EP400: variants seen among roughly 807,000 people sequenced by gnomAD.
The protein encoded by EP400 is E1A-binding protein p400.
A neutral mutation model predicts 354.1 loss-of-function variants in EP400; 105 were observed. The observed-to-expected ratio is 0.30, with a 90% CI of 0.25 to 0.35. The LOEUF is 0.35. Among genes scored for constraint, EP400 ranks in the 10% least tolerant of loss-of-function variants. The probability of loss-of-function intolerance (pLI) is 1.00; values close to 1 mark genes in which losing one functional copy is unlikely to be tolerated. For missense variants in EP400, 3,280 were observed against 4,121.0 expected (o/e 0.80, Z 5.59); for synonymous variants, 1,646 against 1,716.9 (o/e 0.96, Z 1.02).
chr12:132,045,400 T>C lies in EP400; in HGVS notation c.6866T>C (p.Leu2289Pro). ...RSLFDRATPG[L>P]LKIRREGKEQ... ...CTGTTTGACCGCGCAACACCAGGAC[T>C]TCTGAAAATTCGCAGAGAGGGCAAG... Residue 2289 changes from leucine (L) to proline (P), a missense_variant, in exon 38 of 53, where the codon CTT (leucine) becomes CCT (proline). Around this residue, in one of 20 missense-constraint regions of EP400, gnomAD observed 231 missense variants for 257.9 expected, o/e 0.90. Transcript: ENST00000389561. 1 of 1,614,256 alleles carries C rather than the reference T, an allele frequency of 6.2e-7. No individual in the cohort carries two copies. The highest frequency in any genetic ancestry group is 8.5e-7 in the Non-Finnish European group (1 of 1,180,050).
chr12:132,017,072 C>A lies in EP400; in HGVS notation c.3924-463C>A, dbSNP rs921864053. Among the ~76,000 whole-genome samples, 5 of 152,364 alleles carry A rather than the reference C, an allele frequency of 3.3e-5. No individual in the cohort carries two copies. Among genetic ancestry groups the A allele is most frequent in the Admixed American group, 3.3e-4 (5 of 15,302 alleles). On this transcript the variant is annotated intron_variant, in intron 19 of 52. Transcript: ENST00000389561. This position sits in a 1 kb window ranked among gnomAD's most constrained non-coding sequence, Gnocchi z 5.0. ...GTGCGTTGTAGGTCCTTCTGTCTGC[C>A]CCCTTCACTGGGTGGTAAGCCGCAC...
At chr12:132,008,678 T>C (rs1270699838) in intron 15 of EP400, among the ~76,000 whole-genome samples, 1 of 151,318 alleles carries the variant, frequency 6.6e-6, no homozygotes, top group Non-Finnish European at 1.5e-5. Flanking sequence ...TCTCCTGGGC[T>C]CAAGAGGATC....
intron 22 of EP400, 74 bp downstream of exon 22, chr12:132,020,292 C>A: frequency 1.4e-6 from 2 of 1,472,352 alleles, no homozygotes; most frequent in South Asian, 2.8e-5. Context: ...ACTTTCTTCT[C>A]GCGCCTCTGG....
chr12:131,992,597 CAT>C (rs754164473), intron 11 of EP400, among the ~76,000 whole-genome samples: 17 of 152,124 alleles, frequency 1.1e-4, no homozygotes, highest in South Asian at 4.1e-4. Flanking sequence ...AGGAGAAACT[CAT>C]GTGAATTTTA....
Position 132,031,523 on chromosome 12 carries a change from C to T in EP400, c.5755-430C>T, listed in dbSNP as rs533484056. ...CTTGGTGTTGCTTTAACATGAGCCTCGTGTTGAATGGAATACAAACCAAGC... is the reference window on the plus strand; with the variant it reads ...CTTGGTGTTGCTTTAACATGAGCCTTGTGTTGAATGGAATACAAACCAAGC... On this transcript the variant is annotated intron_variant, in intron 29 of 52. Transcript: ENST00000389561. Among the ~76,000 whole-genome samples the T allele has an allele frequency of 5.3e-5, 8 of 152,268 alleles. No homozygotes were observed. In the East Asian group the frequency reaches 1.5e-3, roughly 29 times the overall value.
chr12:132,049,279 CAT>C (rs1895217308), intron 39 of EP400, among the ~76,000 whole-genome samples: 2 of 152,258 alleles, frequency 1.3e-5, no homozygotes, highest in African/African-American at 2.4e-5. Context: ...CATCCAGTGT[CAT>C]GTGTGATAGG....
In EP400 at chr12:131,991,445, G is replaced by A; in HGVS notation, c.2668G>A (p.Glu890Lys). 1 of 1,614,118 alleles carries A rather than the reference G, an allele frequency of 6.2e-7. No homozygotes were observed. Among genetic ancestry groups the A allele is most frequent in the Non-Finnish European group, 8.5e-7 (1 of 1,179,990 alleles). ...ACCTAAAGGATTTGACGCATTACAG[G>A]AAAGTTCTCTGGTAAGTTTGGGGTT... Reference protein sequence around the residue: ...LRPKGFDALQESSLDSGMSGR... With the variant: ...LRPKGFDALQKSSLDSGMSGR... The change falls in exon 10 of 53, where the codon GAA becomes AAA. Residue 890 changes from glutamate to lysine, a missense_variant. By Grantham distance (56) the Glu-to-Lys change is moderately conservative. Around this residue, in one of 20 missense-constraint regions of EP400, gnomAD observed 800 missense variants for 840.0 expected, o/e 0.95. Transcript: ENST00000389561.
chr12:131,978,578 A>G (rs1892561925), intron 2 of EP400, among the ~76,000 whole-genome samples: 1 of 151,932 alleles, frequency 6.6e-6, no homozygotes, highest in East Asian at 1.9e-4. Flanking sequence ...TGCAGAGTGC[A>G]GTGGCACAGT....
intron 33 of EP400, 87 bp downstream of exon 33, chr12:132,043,549 CTT>C (rs1042927262): frequency 2.9e-5 from 45 of 1,578,392 alleles, no homozygotes; most frequent in Middle Eastern, 1.9e-4. Flanking sequence ...AGAAAAATCA[CTT>C]TTTGATTCAA....
In EP400 at chr12:132,028,282, T is replaced by C. The variant is rs371508481; in HGVS notation, c.5375T>C (p.Ile1792Thr). The change falls in exon 27 of 53, where the codon ATT becomes ACT. Residue 1792 changes from isoleucine (I) to threonine (T), a missense_variant. Transcript: ENST00000389561. ...CRCGESLQDV[I>T]DRVAFVIPPV... Reference sequence around the variant, plus strand: ...TGTGGAGAGTCTCTGCAGGATGTTATTGACAGGTACTGCAGACCTCGTGAC... The same window carrying C: ...TGTGGAGAGTCTCTGCAGGATGTTACTGACAGGTACTGCAGACCTCGTGAC... 200 of 1,613,348 alleles carry C rather than the reference T, an allele frequency of 1.2e-4. No individual in the cohort carries two copies. In the East Asian group the frequency reaches 3.1e-3, roughly 25 times the overall value.
At chr12:132,007,614 A>C (rs1893628117) in intron 15 of EP400, among the ~76,000 whole-genome samples, 1 of 152,130 alleles carries the variant, frequency 6.6e-6, no homozygotes, top group African/African-American at 2.4e-5. Context: ...TGTCTCTAAC[A>C]CAGGACAAGG....
chr12:132,007,785 G>A (rs1042791364), intron 15 of EP400, among the ~76,000 whole-genome samples: 4 of 152,188 alleles, frequency 2.6e-5, no homozygotes, highest in African/African-American at 4.8e-5. Flanking sequence ...AGCTGGACAC[G>A]TTTAAATTAG....
chr12:132,018,391 GA>G lies in EP400; in HGVS notation c.4277+16del. On this transcript the variant is annotated intron_variant, in intron 21 of 52. Coordinates refer to ENST00000389561, the MANE Select transcript of EP400 (RefSeq NM_015409.5). This position sits in a 1 kb window ranked among gnomAD's most constrained non-coding sequence, Gnocchi z 4.0. ...AAGGCCAGCAGGTGCGTGCGACCCA[GA>G]GGCAGCGGGGAGGGTTGGCTCCCAG... The G allele has an allele frequency of 1.3e-6, 2 of 1,585,668 alleles. No homozygotes were observed. Among genetic ancestry groups the G allele is most frequent in the Non-Finnish European group, 1.7e-6 (2 of 1,169,446 alleles).
intron 34 of EP400, 138 bp from the exon 35 acceptor site, chr12:132,044,039 G>C: frequency 8.0e-7 from 1 of 1,251,722 alleles, no homozygotes; most frequent in African/African-American, 1.5e-5. Context: ...GCTGCTGCTT[G>C]TGGGGGTGAT....
Position 132,067,436 on chromosome 12 carries a change from A to G in EP400, c.8824A>G (p.Lys2942Glu). ...KLKQQAVQQQ[K>E]AIQPQAAQGP... is the part of the protein sequence containing the mutation. ...GAAGCAGCAGGCCGTCCAGCAGCAGAAGGCCATCCAGCCCCAGGCTGCACA... is the reference window on the plus strand; with the variant it reads ...GAAGCAGCAGGCCGTCCAGCAGCAGGAGGCCATCCAGCCCCAGGCTGCACA... The change falls in exon 50 of 53, where the codon AAG (lysine) becomes GAG (glutamate). Residue 2942 changes from lysine (K) to glutamate (E), a missense_variant. Transcript: ENST00000389561. This position sits in a 1 kb window ranked among gnomAD's most constrained non-coding sequence, Gnocchi z 5.3. The G allele has an allele frequency of 6.2e-7, 1 of 1,613,410 alleles. No individual in the cohort carries two copies.
intron 1 of EP400, among the ~76,000 whole-genome samples, chr12:131,950,980 A>C (rs1194590123): frequency 2.0e-5 from 3 of 150,762 alleles, no homozygotes; most frequent in South Asian, 2.1e-4. Flanking sequence ...GCTCACTGCA[A>C]CCTCCGCCTC....
At chr12:132,019,013 C>G (rs956626200) in intron 21 of EP400, among the ~76,000 whole-genome samples, 1 of 152,140 alleles carries the variant, frequency 6.6e-6, no homozygotes, top group Non-Finnish European at 1.5e-5. Flanking sequence ...CTTGTTGGCA[C>G]TTCTGTATTT....
chr12:132,015,726 T>G (rs1359632866), intron 19 of EP400, among the ~76,000 whole-genome samples: 2 of 152,186 alleles, frequency 1.3e-5, no homozygotes, highest in Non-Finnish European at 1.5e-5. Flanking sequence ...AAGCACATTT[T>G]CCTCTTTCTT....
intron 30 of EP400, among the ~76,000 whole-genome samples, chr12:132,032,806 T>G (rs1460737199): frequency 6.6e-6 from 1 of 152,122 alleles, no homozygotes; most frequent in Non-Finnish European, 1.5e-5. Context: ...AGTTTTTGTA[T>G]TTTTAGTAGA....
Sources: allele counts gnomAD v4.1 joint callset (sites outside exome capture counted in the v4.1 genomes callset), GRCh38; gene constraint gnomAD v4.1.1; regional missense constraint gnomAD v4.1.1; non-coding constraint Gnocchi (gnomAD v3.1); transcripts MANE v1.5; gene names NCBI Gene and HGNC (gene_info 2026-07-23, HGNC 2026-07-21).